PRKCZ: variants seen among roughly 807,000 people sequenced by gnomAD.
PRKCZ encodes the protein protein kinase C zeta type.
PRKCZ carries 33 observed loss-of-function variants against 79.5 expected under a neutral mutation model. The observed-to-expected ratio is 0.41, with a 90% CI of 0.31 to 0.55. The LOEUF is 0.55. Ranked by LOEUF, PRKCZ falls within the 20% of genes least tolerant of loss-of-function variation. The probability of loss-of-function intolerance (pLI) is 0.19; values close to 1 mark genes in which losing one functional copy is unlikely to be tolerated. For synonymous variants in PRKCZ, 342 were observed against 320.9 expected, an observed-to-expected ratio of 1.07 and a Z score of -0.70; for missense variants, 578 against 813.5, an observed-to-expected ratio of 0.71 and a Z score of 3.52.
intron 10 of PRKCZ, chr1:2,169,199 T>A (rs776495298): frequency 4.2e-6 from 2 of 472,796 alleles, no homozygotes; most frequent in African/African-American, 2.0e-5. Flanking sequence ...CCAAGCCACC[T>A]CCACTCCCAC....
At chr1:2,148,683 T>G (rs1679229751) in intron 7 of PRKCZ, among the ~76,000 whole-genome samples, 189 bp from the exon 8 acceptor site, 1 of 152,164 alleles carries the variant, frequency 6.6e-6, no homozygotes, top group Non-Finnish European at 1.5e-5. Flanking sequence ...ATGGTCAGAG[T>G]CGGCAGGTGT....
At chr1:2,118,710 G>T (rs1437052162) in intron 4 of PRKCZ, among the ~76,000 whole-genome samples, 1 of 73,062 alleles carries the variant, frequency 1.4e-5, no homozygotes, top group African/African-American at 3.9e-5. Flanking sequence ...GACCACACCA[G>T]CTCTGTGTGT....
At chr1:2,146,825 C>G (rs562959537) in intron 7 of PRKCZ, among the ~76,000 whole-genome samples, 1 of 152,204 alleles carries the variant, frequency 6.6e-6, no homozygotes, top group Non-Finnish European at 1.5e-5. Flanking sequence ...TCACAAACAA[C>G]TGCCTGCCCA....
chr1:2,135,227 G>C lies in PRKCZ; in HGVS notation c.335-35G>C, dbSNP rs368090954. ...CCCTGCGTGGGCTCGTGGCTGCCAC[G>C]CTGTTTCTTTACACCTTTCTCATAT... On this transcript the variant is annotated intron_variant, in intron 4 of 17. Coordinates refer to ENST00000378567, the MANE Select transcript of PRKCZ (RefSeq NM_002744.6). 3 of 1,574,340 alleles carry C rather than the reference G, an allele frequency of 1.9e-6. No homozygotes were observed. The African/African-American group carries it at 4.1e-5, about 21-fold the overall frequency.
Position 2,125,742 on chromosome 1 carries a change from C to A in PRKCZ, c.335-9520C>A, listed in dbSNP as rs768398195. 3.3e-5 allele frequency among the ~76,000 whole-genome samples: 5 copies of A among 152,212 alleles called. No homozygotes were observed. Among genetic ancestry groups the A allele is most frequent in the South Asian group, 2.1e-4 (1 of 4,828 alleles). On this transcript the variant is annotated intron_variant, in intron 4 of 17. Transcript: ENST00000378567. This position sits in a 1 kb window ranked among gnomAD's most constrained non-coding sequence, Gnocchi z 4.2. ...TGGGCGGAGGGCAGCGCCAGGTTTC[C>A]CAATCAGATTTGCTCAGGGTCCCTC...
intron 4 of PRKCZ, among the ~76,000 whole-genome samples, chr1:2,084,824 T>C (rs1664190010): frequency 6.6e-6 from 1 of 152,016 alleles, no homozygotes; most frequent in Non-Finnish European, 1.5e-5. Context: ...CTGGGCAACA[T>C]GGCAAAACCC....
chr1:2,175,213 C>G lies in PRKCZ; in HGVS notation c.1486-11C>G. The G allele has an allele frequency of 6.2e-7, 1 of 1,612,566 alleles. No homozygotes were observed. ...GGGCTGACTTGTCCTTGTTTGAACTCTGACCTCCAGGACCCCAAAGAGAGG... is the reference window on the plus strand; with the variant it reads ...GGGCTGACTTGTCCTTGTTTGAACTGTGACCTCCAGGACCCCAAAGAGAGG... On this transcript the variant is annotated splice_polypyrimidine_tract_variant and intron_variant, in intron 15 of 17. Transcript: ENST00000378567.
intron 4 of PRKCZ, among the ~76,000 whole-genome samples, chr1:2,107,826 A>G (rs1385070847): frequency 3.1e-4 from 44 of 142,404 alleles, no homozygotes; most frequent in Admixed American, 6.9e-5. Context: ...CAACACCCCA[A>G]CAGCGTCCAG....
At chr1:2,065,227 A>G (rs1020938589) in intron 4 of PRKCZ, among the ~76,000 whole-genome samples, 1 of 152,190 alleles carries the variant, frequency 6.6e-6, no homozygotes, top group African/African-American at 2.4e-5. Context: ...TATCAGTTCT[A>G]ACAACTTTCT....
At chr1:2,151,127 T>C (rs2257182) in intron 9 of PRKCZ, 149 bp downstream of exon 9, 400,695 of 992,860 alleles carry the variant, frequency 0.4, 85,605 homozygotes, top group African/African-American at 0.68. Context: ...CATCGTGTAA[T>C]GACCAGGATG....
chr1:2,080,158 T>C (rs1162375808), intron 4 of PRKCZ, among the ~76,000 whole-genome samples: 1 of 152,198 alleles, frequency 6.6e-6, no homozygotes, highest in Admixed American at 6.5e-5. Flanking sequence ...TCCTCCTCTT[T>C]GCTGTTACGG....
intron 4 of PRKCZ, among the ~76,000 whole-genome samples, chr1:2,132,342 C>T (rs1025567024): frequency 1.3e-5 from 2 of 152,182 alleles, no homozygotes; most frequent in African/African-American, 2.4e-5. Flanking sequence ...CTTGAATGCT[C>T]CCGAGCCCAG....
intron 4 of PRKCZ, among the ~76,000 whole-genome samples, chr1:2,099,068 C>T (rs751094753): frequency 1.3e-5 from 2 of 151,846 alleles, no homozygotes; most frequent in Non-Finnish European, 2.9e-5. Context: ...CTGTGACTTC[C>T]GTTGTTGTCT....
intron 4 of PRKCZ, among the ~76,000 whole-genome samples, chr1:2,109,919 A>G (rs1042994713): frequency 3.3e-5 from 5 of 152,222 alleles, no homozygotes; most frequent in African/African-American, 1.2e-4. Flanking sequence ...CAGAATTGCC[A>G]GACCTGGCCA....
intron 4 of PRKCZ, among the ~76,000 whole-genome samples, chr1:2,080,766 C>T (rs184759929): frequency 5.3e-5 from 8 of 152,318 alleles, no homozygotes; most frequent in East Asian, 3.9e-4. Context: ...CAGGGCCCCA[C>T]GTGGCACTTG....
intron 11 of PRKCZ, 96 bp downstream of exon 11, chr1:2,169,700 G>T: frequency 1.6e-6 from 1 of 636,172 alleles, no homozygotes. Flanking sequence ...CGCACAGAGG[G>T]ATGACGGGTG....
intron 4 of PRKCZ, among the ~76,000 whole-genome samples, chr1:2,129,172 C>A (rs1320137606): frequency 2.0e-5 from 3 of 152,082 alleles, no homozygotes; most frequent in Admixed American, 2.0e-4. Flanking sequence ...GCCTGAAGTT[C>A]GAAGGTTTGG....
intron 3 of PRKCZ, among the ~76,000 whole-genome samples, chr1:2,058,292 G>A (rs1457212780): frequency 6.6e-6 from 1 of 151,542 alleles, no homozygotes. Flanking sequence ...CGTGAGCCAC[G>A]GTGCCCGGCC....
At chr1:2,071,198 C>T (rs1661551945) in intron 4 of PRKCZ, 2 of 260,060 alleles carry the variant, frequency 7.7e-6, no homozygotes, top group South Asian at 6.1e-5. Flanking sequence ...TCAGTTTCCT[C>T]CTCTGTAAAA....
Sources: allele counts gnomAD v4.1 joint callset (sites outside exome capture counted in the v4.1 genomes callset), GRCh38; gene constraint gnomAD v4.1.1; non-coding constraint Gnocchi (gnomAD v3.1); transcripts MANE v1.5; gene names NCBI Gene and HGNC (gene_info 2026-07-23, HGNC 2026-07-21).